Variants in VPS52 observed in about 807,000 individuals in gnomAD.
VPS52 encodes VPS52 subunit of GARP complex.
VPS52 carries 56 observed loss-of-function variants against 98.7 expected under a neutral mutation model. The observed-to-expected ratio is 0.57, with a 90% CI of 0.46 to 0.71. The LOEUF is 0.71. VPS52 is among the 30% of genes least tolerant of loss of function. The pLI, the probability that VPS52 is intolerant of heterozygous loss-of-function variation, is 0.00. For synonymous variants in VPS52, 348 were observed against 346.4 expected (o/e 1.00, Z -0.05); for missense variants, 742 against 925.9 (o/e 0.80, Z 2.58).
At position 33,267,884 on chromosome 6, in the gene VPS52, C is replaced by T; in HGVS notation, c.914G>A (p.Gly305Glu). 6.2e-7 allele frequency: 1 copy of T among 1,613,072 alleles called. No homozygotes were observed. Among genetic ancestry groups the T allele is most frequent in the Non-Finnish European group, 8.5e-7 (1 of 1,180,032 alleles). Reference sequence around the variant, plus strand: ...CCTTACCTGCACCTTCATGAGCCGCCCCAGGTAAGAGCGGTAGTAAGACAG... The same window carrying T: ...CCTTACCTGCACCTTCATGAGCCGCTCCAGGTAAGAGCGGTAGTAAGACAG... ...IYLSYYRSYL[G>E]RLMKVQYEEV... is the part of the protein sequence containing the mutation. The change falls in exon 9 of 20, where the codon GGG (glycine) becomes GAG (glutamate). Residue 305 changes from glycine (G) to glutamate (E), a missense_variant. Coordinates refer to ENST00000445902, the MANE Select transcript of VPS52 (RefSeq NM_022553.6). This position sits in a 1 kb window ranked among gnomAD's most constrained non-coding sequence, Gnocchi z 4.2.
chr6:33,269,501 C>A lies in VPS52; in HGVS notation c.361G>T (p.Ala121Ser), dbSNP rs367783562. Reference sequence around the variant, plus strand: ...TCATGATTACTAACCTCCAGGACAGCATCACAGGCTGTGATCTGGTTGTGT... The same window carrying A: ...TCATGATTACTAACCTCCAGGACAGAATCACAGGCTGTGATCTGGTTGTGT... ...SLHNQITACD[A>S]VLERMEQMLG... Residue 121 changes from alanine (A) to serine (S), a missense_variant, in exon 5 of 20, where the codon GCT becomes TCT. By Grantham distance (99) the Ala-to-Ser change is moderately conservative. Transcript: ENST00000445902. The A allele has an allele frequency of 3.6e-5, 58 of 1,613,352 alleles. No individual in the cohort carries two copies. In the African/African-American group the frequency reaches 7.2e-4, roughly 20 times the overall value.
At chr6:33,252,375 G>T (rs1257962959) in intron 17 of VPS52, among the ~76,000 whole-genome samples, 3 of 152,164 alleles carry the variant, frequency 2.0e-5, no homozygotes, top group Non-Finnish European at 4.4e-5. Context: ...GATCACCTGA[G>T]GTCAGGAGTT....
At chr6:33,251,387 T>G (rs79507667) in intron 19 of VPS52, 131 bp downstream of exon 19, 18,356 of 693,738 alleles carry the variant, frequency 0.026, 478 homozygotes, top group African/African-American at 0.087. Flanking sequence ...AGGTTAGGGC[T>G]CATACAGAAC....
In VPS52 at chr6:33,257,625, C is replaced by A. The variant is rs191218416; in HGVS notation, c.1795-5654G>T. 4.9e-3 allele frequency among the ~76,000 whole-genome samples: 746 copies of A among 152,104 alleles called. 7 individuals are homozygous for A. Among genetic ancestry groups the A allele is most frequent in the African/African-American group, 0.012 (497 of 41,518 alleles). Reference sequence around the variant, plus strand: ...CATGTTGGCCAGGATGGTCTCGATCCCGTGACCTCGTAATCCACCCGCCTC... The same window carrying A: ...CATGTTGGCCAGGATGGTCTCGATCACGTGACCTCGTAATCCACCCGCCTC... On this transcript the variant is annotated intron_variant, in intron 17 of 19. Coordinates refer to ENST00000445902, the MANE Select transcript of VPS52 (RefSeq NM_022553.6).
In VPS52 at chr6:33,264,639, A is replaced by G. The variant is rs1418854716; in HGVS notation, c.1401-142T>C. ...GTGGTTGGAGAAAGGTGAGTCAAAA[A>G]GCAGCACTACTGCCTCCGGAGCAAA... On this transcript the variant is annotated intron_variant, in intron 13 of 19. Transcript: ENST00000445902. 4.2e-6 allele frequency: 6 copies of G among 1,436,190 alleles called. No individual in the cohort carries two copies. In the African/African-American group the frequency reaches 8.4e-5, roughly 20 times the overall value. The allele number at this position is 1,436,190 out of a possible 1,614,324, so 89.0% of individuals were successfully genotyped here. A position where few individuals can be genotyped will look rare whatever the true frequency, so the allele number is the denominator to read the frequency against.
chr6:33,257,339 T>G (rs899916444), intron 17 of VPS52, among the ~76,000 whole-genome samples: 3 of 151,936 alleles, frequency 2.0e-5, no homozygotes, highest in African/African-American at 7.3e-5. Flanking sequence ...CTGGCCAAAA[T>G]TCTACAATAT....
intron 17 of VPS52, among the ~76,000 whole-genome samples, chr6:33,260,248 T>G (rs77258644): frequency 0.038 from 5,754 of 152,240 alleles, 186 homozygotes; most frequent in African/African-American, 0.086. Flanking sequence ...GACTACAATG[T>G]CATGATCATG....
intron 17 of VPS52, among the ~76,000 whole-genome samples, chr6:33,260,970 G>C (rs1241409703): frequency 6.6e-6 from 1 of 151,804 alleles, no homozygotes; most frequent in Non-Finnish European, 1.5e-5. Context: ...CTGCACTCCA[G>C]TGTGGGAGTC....
chr6:33,262,901 G>C (rs1562554305), intron 17 of VPS52, among the ~76,000 whole-genome samples: 1 of 152,106 alleles, frequency 6.6e-6, no homozygotes, highest in Non-Finnish European at 1.5e-5. Flanking sequence ...TGGAAGGCTG[G>C]GGAGAAGGTG....
chr6:33,253,812 CTGTATA>C (rs947323726), intron 17 of VPS52, among the ~76,000 whole-genome samples: 8 of 151,870 alleles, frequency 5.3e-5, no homozygotes, highest in African/African-American at 1.2e-4. Flanking sequence ...TAATATTCAT[CTGTATA>C]TGTATAAGAT....
At chr6:33,263,243 G>T (rs2150830335) in intron 17 of VPS52, among the ~76,000 whole-genome samples, 1 of 126,788 alleles carries the variant, frequency 7.9e-6, no homozygotes, top group East Asian at 2.3e-4. Flanking sequence ...CAGCCTGGGT[G>T]ACAGAGTGAC....
At chr6:33,265,490 C>T (rs894515728) in intron 12 of VPS52, among the ~76,000 whole-genome samples, 10 of 152,276 alleles carry the variant, frequency 6.6e-5, no homozygotes, top group Admixed American at 3.9e-4. Flanking sequence ...CCTCAGCCTG[C>T]CAAGCAACTG....
chr6:33,269,361 G>A, intron 5 of VPS52, 129 bp downstream of exon 5: 1 of 1,438,870 alleles, frequency 6.9e-7, no homozygotes, highest in Non-Finnish European at 9.6e-7. Context: ...TAACAAAAAA[G>A]GCTCCTGAAG....
At position 33,271,733 on chromosome 6, in the gene VPS52, G is replaced by A; in HGVS notation, c.-58C>T. ...CCCGGCGAGTCCGTTCCCCGGAGTG[G>A]AGCTACAAGTCCCAAAGGGTCTTCC... is the stretch of plus-strand genomic sequence containing the variant. On this transcript the variant is annotated 5_prime_UTR_variant, in exon 1 of 20. Transcript: ENST00000445902. The A allele has an allele frequency of 1.9e-6, 3 of 1,549,030 alleles. No homozygotes were observed. Among genetic ancestry groups the A allele is most frequent in the Non-Finnish European group, 2.6e-6 (3 of 1,145,910 alleles).
intron 1 of VPS52, chr6:33,271,362 C>A (rs1053756002): frequency 4.2e-6 from 3 of 722,118 alleles, no homozygotes; most frequent in Admixed American, 2.0e-5. Flanking sequence ...TGACTCTACC[C>A]CAAAATGTGG....
At chr6:33,271,512 C>CAA in intron 1 of VPS52, 74 bp downstream of exon 1, 1 of 1,549,914 alleles carries the variant, frequency 6.5e-7, no homozygotes, top group Non-Finnish European at 8.7e-7. Flanking sequence ...CACCCTTGTG[C>CAA]CTAAACCCAG....
intron 17 of VPS52, among the ~76,000 whole-genome samples, chr6:33,252,475 G>A (rs1356008799): frequency 6.6e-6 from 1 of 151,592 alleles, no homozygotes; most frequent in Non-Finnish European, 1.5e-5. Context: ...TATAATCCCA[G>A]CTACTCGGGA....
Position 33,267,429 on chromosome 6 carries a change from C to A in VPS52, c.992-108G>T. 1.3e-6 allele frequency: 2 copies of A among 1,488,382 alleles called. No individual in the cohort carries two copies. Among genetic ancestry groups the A allele is most frequent in the Non-Finnish European group, 1.8e-6 (2 of 1,114,752 alleles). The allele number at this position is 1,488,382 out of a possible 1,614,324, so 92.2% of individuals were successfully genotyped here. ...AGACGTGGCCTAGCCAGCCCTCTTT[C>A]CCAGTACTAGGGCCCCACGTGCTGA... On this transcript the variant is annotated intron_variant, in intron 10 of 19. Coordinates refer to ENST00000445902, the MANE Select transcript of VPS52 (RefSeq NM_022553.6). This position sits in a 1 kb window ranked among gnomAD's most constrained non-coding sequence, Gnocchi z 4.2.
Position 33,268,783 on chromosome 6 carries a change from T to G in VPS52, c.549-134A>C. The stretch of plus-strand genomic sequence containing the variant: ...CATTGTACCATATAGTCAGGACACA[T>G]GTACAAAGTTTTCTATTCCTGGACC... On this transcript the variant is annotated intron_variant, in intron 6 of 19. Coordinates refer to ENST00000445902, the MANE Select transcript of VPS52 (RefSeq NM_022553.6). The surrounding 1 kb of genome is among the most constrained non-coding windows in gnomAD (Gnocchi z 4.0). 8.2e-7 allele frequency: 1 copy of G among 1,225,502 alleles called. No individual in the cohort carries two copies. 75.9% of individuals were successfully genotyped at this position (1,225,502 alleles called of 1,614,324 possible). A position where few individuals can be genotyped will look rare whatever the true frequency, so the allele number is the denominator to read the frequency against.
Sources: gnomAD v4.1 joint callset for allele counts (sites outside exome capture counted in the v4.1 genomes callset) on GRCh38, gnomAD v4.1.1 for gene constraint, Gnocchi (gnomAD v3.1) non-coding constraint, MANE v1.5 for transcripts, NCBI Gene and HGNC (gene_info 2026-07-23, HGNC 2026-07-21) for gene names.